The following CRYZL1 variants were observed in gnomAD, a reference collection of about 807,000 sequenced individuals.
CRYZL1 encodes crystallin zeta like 1, also known as ferry endosomal RAB5 effector complex subunit 4.
In CRYZL1, 34 loss-of-function variants were observed where a neutral mutation model predicts 50.6. The ratio of observed to expected loss-of-function variants is 0.67; its 90% confidence interval spans 0.51 to 0.89. CRYZL1 has a LOEUF of 0.89. Among genes scored for constraint, CRYZL1 ranks in the 40% least tolerant of loss-of-function variants. The pLI is 0.00. For synonymous variants in CRYZL1, 125 were observed against 134.3 expected, an observed-to-expected ratio of 0.93 and a Z score of 0.48; for missense variants, 354 against 402.3, an observed-to-expected ratio of 0.88 and a Z score of 1.03.
At chr21:33,609,628 T>TA (rs1170604026) in intron 6 of CRYZL1, among the ~76,000 whole-genome samples, 2 of 151,380 alleles carry the variant, frequency 1.3e-5, no homozygotes, top group African/African-American at 2.4e-5. Flanking sequence ...TTTTTTTTTT[T>TA]AAACAAACTT....
At chr21:33,613,466 TA>T in intron 6 of CRYZL1, 71 bp downstream of exon 6, 1 of 1,030,408 alleles carries the variant, frequency 9.7e-7, no homozygotes, top group East Asian at 2.4e-5. Context: ...TCAAAAAAAT[TA>T]AAATGTTATT....
At chr21:33,591,312 G>T in intron 11 of CRYZL1, 105 bp from the exon 12 acceptor site, 1 of 887,180 alleles carries the variant, frequency 1.1e-6, no homozygotes, top group Non-Finnish European at 1.9e-6. Flanking sequence ...TTCAAGTTTT[G>T]CACTCTCAGA....
intron 4 of CRYZL1, among the ~76,000 whole-genome samples, chr21:33,617,364 CTA>C (rs1466349984): frequency 6.6e-6 from 1 of 152,134 alleles, no homozygotes; most frequent in Non-Finnish European, 1.5e-5. Context: ...CTAATCTATT[CTA>C]TAGCTTCTAT....
intron 1 of CRYZL1, chr21:33,641,338 C>T (rs1009581975): frequency 3.3e-6 from 5 of 1,532,932 alleles, no homozygotes; most frequent in East Asian, 2.5e-5. Context: ...GAAAAAGACA[C>T]TCAAATTCTA....
At chr21:33,605,405 C>T (rs1385158619) in intron 6 of CRYZL1, among the ~76,000 whole-genome samples, 1 of 151,894 alleles carries the variant, frequency 6.6e-6, no homozygotes, top group Non-Finnish European at 1.5e-5. Flanking sequence ...AATGCAACTC[C>T]TAATATAGTT....
At chr21:33,638,292 A>G (rs1306417794) in intron 1 of CRYZL1, among the ~76,000 whole-genome samples, 1 of 148,428 alleles carries the variant, frequency 6.7e-6, no homozygotes, top group Non-Finnish European at 1.5e-5. Flanking sequence ...GGCTCACTGC[A>G]ACCTCCGCCT....
intron 1 of CRYZL1, among the ~76,000 whole-genome samples, chr21:33,634,199 A>ACCGAAGCATGGATACAACATTTACGTATT (rs2087174873): frequency 6.6e-6 from 1 of 152,174 alleles, no homozygotes; most frequent in African/African-American, 2.4e-5. Flanking sequence ...GCTGGGGAGA[A>ACCGAAGCATGGATACAACATTTACGTATT]CCGAAGCATG....
rs759913984 is a variant in CRYZL1, at chr21:33,624,665, T to C, written c.144+18A>G. The C allele has an allele frequency of 1.9e-6, 3 of 1,605,872 alleles. No individual in the cohort carries two copies. The highest frequency in any genetic ancestry group is 3.4e-5 in the Admixed American group (2 of 58,162). ...GAAACTCTCATTTTACTTTGTGCCA[T>C]AATAAAAGAACCAATACCTTTGTAT... On this transcript the variant is annotated intron_variant, in intron 3 of 12. Transcript: ENST00000381554.
intron 1 of CRYZL1, among the ~76,000 whole-genome samples, chr21:33,633,473 G>A (rs1460675455): frequency 6.6e-6 from 1 of 152,012 alleles, no homozygotes; most frequent in Non-Finnish European, 1.5e-5. Flanking sequence ...CAGGCTGGAG[G>A]GCGCAGTCTC....
chr21:33,621,958 T>A (rs749050481), intron 4 of CRYZL1, 38 bp downstream of exon 4: 9 of 1,429,148 alleles, frequency 6.3e-6, no homozygotes, highest in Non-Finnish European at 8.8e-6. Flanking sequence ...TCTTTTACCT[T>A]AGAAAATAAA....
intron 2 of CRYZL1, among the ~76,000 whole-genome samples, chr21:33,626,303 C>T (rs1220768283): frequency 1.3e-5 from 2 of 152,088 alleles, no homozygotes; most frequent in Non-Finnish European, 2.9e-5. Flanking sequence ...TCTTCCTTAA[C>T]ATGTGCCTTG....
intron 1 of CRYZL1, among the ~76,000 whole-genome samples, chr21:33,640,823 T>C (rs3761352): frequency 0.21 from 31,491 of 152,154 alleles, 3,966 homozygotes; most frequent in East Asian, 0.27. Context: ...ACACATCAGA[T>C]TTTGAAGATT....
chr21:33,607,825 A>C (rs1023928120), intron 6 of CRYZL1, among the ~76,000 whole-genome samples: 11 of 152,172 alleles, frequency 7.2e-5, no homozygotes, highest in Admixed American at 7.2e-4. Flanking sequence ...TACAACAGAG[A>C]TTACAGGTTA....
chr21:33,597,697 C>T (rs2086709866), intron 9 of CRYZL1, among the ~76,000 whole-genome samples: 1 of 152,176 alleles, frequency 6.6e-6, no homozygotes, highest in Non-Finnish European at 1.5e-5. Context: ...ACTGCAAGCT[C>T]CGCCTCCCGG....
intron 5 of CRYZL1, among the ~76,000 whole-genome samples, chr21:33,614,162 ACT>A (rs2086902544): frequency 8.0e-6 from 1 of 124,928 alleles, no homozygotes; most frequent in African/African-American, 3.1e-5. Flanking sequence ...ACAGTGCGAG[ACT>A]CTGTGTCAAA....
intron 5 of CRYZL1, 63 bp downstream of exon 5, chr21:33,616,643 T>C (rs373113069): frequency 1.6e-5 from 26 of 1,601,308 alleles, no homozygotes; most frequent in Admixed American, 6.9e-5. Context: ...AATAGTTATA[T>C]AGAAAAAACA....
At chr21:33,595,863 T>A in intron 10 of CRYZL1, 27 bp from the exon 11 acceptor site, 2 of 1,466,614 alleles carry the variant, frequency 1.4e-6, no homozygotes, top group Non-Finnish European at 1.9e-6. Context: ...CAAAGACTAA[T>A]CAATTATTGT....
chr21:33,616,591 C>T (rs755056076), intron 5 of CRYZL1, 115 bp downstream of exon 5: 10 of 1,561,030 alleles, frequency 6.4e-6, no homozygotes, highest in South Asian at 3.4e-5. Flanking sequence ...AGCACCCAGC[C>T]GGGAAAGTAC....
intron 10 of CRYZL1, among the ~76,000 whole-genome samples, chr21:33,596,842 ATTTC>A (rs1348005469): frequency 4.6e-5 from 7 of 151,414 alleles, no homozygotes; most frequent in African/African-American, 1.5e-4. Context: ...AAAAAGCTAA[ATTTC>A]TTTATTTTTC....
Sources: allele counts gnomAD v4.1 joint callset (sites outside exome capture counted in the v4.1 genomes callset), GRCh38; gene constraint gnomAD v4.1.1; transcripts MANE v1.5; gene names NCBI Gene and HGNC (gene_info 2026-07-23, HGNC 2026-07-21).